Variants in COL15A1 observed in about 807,000 individuals in gnomAD.
The protein encoded by COL15A1 is collagen type XV alpha 1 chain.
COL15A1 carries 111 observed loss-of-function variants against 165.9 expected under a neutral mutation model. That is an observed-to-expected ratio of 0.67 (90% CI 0.57 to 0.78). The LOEUF is 0.78. Ranked by LOEUF, COL15A1 falls within the 30% of genes least tolerant of loss-of-function variation. The pLI is 0.00. For missense variants in COL15A1, 1,745 were observed against 1,789.7 expected (o/e 0.98, Z 0.45); for synonymous variants, 659 against 674.8 (o/e 0.98, Z 0.36).
intron 6 of COL15A1, among the ~76,000 whole-genome samples, chr9:98,998,744 G>T (rs1201984443): frequency 6.6e-6 from 1 of 152,206 alleles, no homozygotes; most frequent in Non-Finnish European, 1.5e-5. Flanking sequence ...GAGAAGATGA[G>T]GTCCACGTGG....
At chr9:98,987,146 C>T in intron 3 of COL15A1, 148 bp from the exon 4 acceptor site, 1 of 743,994 alleles carries the variant, frequency 1.3e-6, no homozygotes, top group Non-Finnish European at 2.3e-6. Context: ...AAGAGGTGGC[C>T]TGGCTTCGTG....
At chr9:99,045,874 G>A (rs1274038894) in intron 26 of COL15A1, among the ~76,000 whole-genome samples, 1 of 152,250 alleles carries the variant, frequency 6.6e-6, no homozygotes, top group Non-Finnish European at 1.5e-5. Flanking sequence ...TGGATCTCAG[G>A]TGTGGGGAGA....
In COL15A1 at chr9:99,022,743, A is replaced by T. The variant is rs186904382; in HGVS notation, c.1761+593A>T. ...TGCTCAGTACACACACATTCAATGA[A>T]TGAATTAGGCCCTGCCTGGTTCCTG... On this transcript the variant is annotated intron_variant, in intron 13 of 41. Coordinates refer to ENST00000375001, the MANE Select transcript of COL15A1 (RefSeq NM_001855.5). 1.1e-3 allele frequency among the ~76,000 whole-genome samples: 174 copies of T among 152,352 alleles called. 1 individual carries two copies. Among genetic ancestry groups the T allele is most frequent in the Middle Eastern group, 6.8e-3 (2 of 294 alleles).
intron 9 of COL15A1, among the ~76,000 whole-genome samples, chr9:99,011,320 T>C (rs1838843835): frequency 6.6e-6 from 1 of 151,816 alleles, no homozygotes; most frequent in Admixed American, 6.6e-5. Flanking sequence ...GAAAGCTTTT[T>C]TTTTCATCTG....
At chr9:99,051,034 G>A (rs1215940455) in intron 30 of COL15A1, among the ~76,000 whole-genome samples, 1 of 152,186 alleles carries the variant, frequency 6.6e-6, no homozygotes, top group Non-Finnish European at 1.5e-5. Flanking sequence ...ATGGCCTGAA[G>A]AGAAACATAA....
intron 11 of COL15A1, among the ~76,000 whole-genome samples, chr9:99,016,957 T>C (rs1020595346): frequency 1.3e-4 from 20 of 152,238 alleles, no homozygotes; most frequent in African/African-American, 4.8e-4. Context: ...CCTGAGGTCC[T>C]GAATGCCCCT....
intron 10 of COL15A1, among the ~76,000 whole-genome samples, 162 bp from the exon 11 acceptor site, chr9:99,015,814 A>C (rs1838924078): frequency 6.6e-6 from 1 of 152,220 alleles, no homozygotes; most frequent in Non-Finnish European, 1.5e-5. Context: ...ACTGAGGCTT[A>C]GAAGAGATGC....
At chr9:98,983,188 T>G (rs1838257765) in intron 2 of COL15A1, among the ~76,000 whole-genome samples, 1 of 152,216 alleles carries the variant, frequency 6.6e-6, no homozygotes, top group Non-Finnish European at 1.5e-5. Context: ...CAGCCTTCTC[T>G]GTGAGTGTTG....
chr9:99,065,506 T>C (rs189616980), intron 39 of COL15A1, among the ~76,000 whole-genome samples: 1 of 151,710 alleles, frequency 6.6e-6, no homozygotes, highest in East Asian at 1.9e-4. Context: ...CTGCCTGTGA[T>C]TGTGGTGGGT....
In COL15A1 at chr9:99,069,832, T is replaced by A. The variant is rs762153999; in HGVS notation, c.4113T>A (p.Asn1371Lys). 11 of 1,614,192 alleles carry A rather than the reference T, an allele frequency of 6.8e-6. No individual in the cohort carries two copies. The highest frequency in any genetic ancestry group is 9.3e-6 in the Non-Finnish European group (11 of 1,179,990). ...ILDQKAYSCA[N>K]RLIVLCIENS... is the part of the protein sequence containing the mutation. ...ACCAGAAAGCATACAGCTGTGCTAATCGGCTAATTGTCCTATGTATCGAAA... is the reference window on the plus strand; with the variant it reads ...ACCAGAAAGCATACAGCTGTGCTAAACGGCTAATTGTCCTATGTATCGAAA... The change falls in exon 42 of 42, where the codon AAT becomes AAA. Residue 1371 changes from asparagine to lysine, a missense_variant. Asn to Lys is a moderately conservative substitution (Grantham distance 94, BLOSUM62 0). Coordinates refer to ENST00000375001, the MANE Select transcript of COL15A1 (RefSeq NM_001855.5).
intron 2 of COL15A1, among the ~76,000 whole-genome samples, chr9:98,945,534 G>A (rs369308433): frequency 2.7e-5 from 2 of 74,376 alleles, no homozygotes; most frequent in African/African-American, 7.6e-5. Context: ...CGGCCCAAAG[G>A]AAACGGGATT....
At chr9:98,985,384 A>G (rs1348134301) in intron 2 of COL15A1, among the ~76,000 whole-genome samples, 181 bp from the exon 3 acceptor site, 1 of 152,236 alleles carries the variant, frequency 6.6e-6, no homozygotes, top group Non-Finnish European at 1.5e-5. Flanking sequence ...ATTGGGTTGC[A>G]GTGCAAATGC....
intron 12 of COL15A1, 43 bp from the exon 13 acceptor site, chr9:99,022,048 G>A: frequency 6.2e-7 from 1 of 1,612,294 alleles, no homozygotes; most frequent in Non-Finnish European, 8.5e-7. Context: ...GAGATGGTAG[G>A]AACAGAGTTC....
intron 38 of COL15A1, 135 bp from the exon 39 acceptor site, chr9:99,062,915 A>G: frequency 2.0e-6 from 2 of 1,012,786 alleles, no homozygotes; most frequent in East Asian, 3.1e-5. Context: ...TTTACAGTTA[A>G]GAGTCACAGT....
At position 99,036,359 on chromosome 9, in the gene COL15A1, C is replaced by A. The variant is rs765280301; in HGVS notation, c.2372C>A (p.Pro791Gln). 1.1e-5 allele frequency: 18 copies of A among 1,613,994 alleles called. No homozygotes were observed. The highest frequency in any genetic ancestry group is 1.5e-5 in the Non-Finnish European group (18 of 1,180,012). The change falls in exon 21 of 42, where the codon CCG (proline) becomes CAG (glutamine). Residue 791 changes from proline to glutamine, a missense_variant. By Grantham distance (76) the Pro-to-Gln change is moderately conservative. Coordinates refer to ENST00000375001, the MANE Select transcript of COL15A1 (RefSeq NM_001855.5). ...DGASIVGPPG[P>Q]RGPPGHIKVL... ...GCCAGTATTGTGGGACCCCCTGGGC[C>A]GAGAGGGCCACCTGGGCACATCAAG...
chr9:98,990,389 GATGA>G (rs957244927), intron 5 of COL15A1, among the ~76,000 whole-genome samples: 3 of 152,334 alleles, frequency 2.0e-5, no homozygotes, highest in African/African-American at 7.2e-5. Context: ...GGCCAGTTGG[GATGA>G]ATGAAGTCAA....
chr9:99,048,628 G>A lies in COL15A1; in HGVS notation c.2793+628G>A, dbSNP rs186195648. Among the ~76,000 whole-genome samples, 19 of 151,754 alleles carry A rather than the reference G, an allele frequency of 1.3e-4. No homozygotes were observed. In the East Asian group the frequency reaches 2.9e-3, roughly 23 times the overall value. The stretch of plus-strand genomic sequence containing the variant: ...ACATATGTATACATGTGCCATTTTG[G>A]TGTGCTGCACCCATTAACTCGTCAT... On this transcript the variant is annotated intron_variant, in intron 28 of 41. Coordinates refer to ENST00000375001, the MANE Select transcript of COL15A1 (RefSeq NM_001855.5).
intron 2 of COL15A1, among the ~76,000 whole-genome samples, chr9:98,963,007 G>A (rs747624022): frequency 6.6e-5 from 10 of 152,324 alleles, no homozygotes; most frequent in Admixed American, 2.0e-4. Context: ...CTCCATCCAC[G>A]TTTACCTTTC....
chr9:99,000,906 C>T lies in COL15A1; in HGVS notation c.1020C>T (p.Asp340=), dbSNP rs1433536531. Residue 340 remains aspartate (D), a synonymous_variant, in exon 7 of 42, where the codon GAC becomes GAT. Transcript: ENST00000375001. ...CTGTGGATGGTGACCCCATTACTGA[C>T]AGCGGCTCAGGGGCTGGGGCCTTCC... ...VHSVDGDPIT[D]SGSGAGAFLD... 3 of 1,604,126 alleles carry T rather than the reference C, an allele frequency of 1.9e-6. No homozygotes were observed. The highest frequency in any genetic ancestry group is 3.3e-5 in the Admixed American group (2 of 59,912).
Sources: gnomAD v4.1 joint callset for allele counts (sites outside exome capture counted in the v4.1 genomes callset) on GRCh38, gnomAD v4.1.1 for gene constraint, MANE v1.5 for transcripts, NCBI Gene and HGNC (gene_info 2026-07-23, HGNC 2026-07-21) for gene names.